RAB7A: variants seen among roughly 807,000 people sequenced by gnomAD.
RAB7A encodes ras-related protein Rab-7a.
Under a neutral mutation model 24.5 loss-of-function variants are expected in RAB7A, and 2 were observed. The ratio of observed to expected loss-of-function variants is 0.08; its 90% confidence interval spans 0.03 to 0.26. RAB7A has a LOEUF of 0.26. RAB7A is among the 10% of genes least tolerant of loss of function. The probability of loss-of-function intolerance (pLI) is 1.00; values close to 1 mark genes in which losing one functional copy is unlikely to be tolerated. For synonymous variants in RAB7A, 100 were observed against 95.9 expected, an observed-to-expected ratio of 1.04 and a Z score of -0.25; for missense variants, 118 against 255.7, an observed-to-expected ratio of 0.46 and a Z score of 3.67.
At chr3:128,753,203 C>T (rs1401446643) in intron 1 of RAB7A, among the ~76,000 whole-genome samples, 1 of 152,118 alleles carries the variant, frequency 6.6e-6, no homozygotes, top group African/African-American at 2.4e-5. Context: ...GAAATATTGT[C>T]ATATGCAGCA....
At chr3:128,790,766 T>G (rs1434558041) in intron 1 of RAB7A, among the ~76,000 whole-genome samples, 1 of 152,244 alleles carries the variant, frequency 6.6e-6, no homozygotes, top group Non-Finnish European at 1.5e-5. Context: ...TATAACATGC[T>G]TTTCAAGACT....
intron 1 of RAB7A, among the ~76,000 whole-genome samples, chr3:128,768,911 A>G (rs79478087): frequency 0.047 from 6,845 of 145,364 alleles, 228 homozygotes; most frequent in Middle Eastern, 0.13. Context: ...TCACCATCTA[A>G]TTACAGAACC....
At chr3:128,795,287 A>T (rs1193025500) in intron 1 of RAB7A, 73 bp from the exon 2 acceptor site, 7 of 1,297,406 alleles carry the variant, frequency 5.4e-6, no homozygotes, top group African/African-American at 4.4e-5. Context: ...CTGCTCAGAC[A>T]TTTGTGCAAG....
chr3:128,741,225 A>C (rs1283924849), intron 1 of RAB7A, among the ~76,000 whole-genome samples: 1 of 152,138 alleles, frequency 6.6e-6, no homozygotes, highest in East Asian at 1.9e-4. Flanking sequence ...TTCGTGTTGC[A>C]AACATTATTC....
At chr3:128,777,595 A>G (rs1418302619) in intron 1 of RAB7A, among the ~76,000 whole-genome samples, 1 of 152,184 alleles carries the variant, frequency 6.6e-6, no homozygotes, top group Non-Finnish European at 1.5e-5. Context: ...CTAAACTATC[A>G]CTAGCAGATT....
At chr3:128,731,254 A>G (rs1344577584) in intron 1 of RAB7A, among the ~76,000 whole-genome samples, 1 of 152,200 alleles carries the variant, frequency 6.6e-6, no homozygotes, top group Non-Finnish European at 1.5e-5. Context: ...CAAAGCTGCT[A>G]TGAATTAACC....
chr3:128,752,568 G>A (rs1226639934), intron 1 of RAB7A, among the ~76,000 whole-genome samples: 1 of 152,020 alleles, frequency 6.6e-6, no homozygotes, highest in Admixed American at 6.6e-5. Flanking sequence ...CCAAAAATCA[G>A]CTTACTGGGC....
chr3:128,757,615 G>A (rs900108161), intron 1 of RAB7A, among the ~76,000 whole-genome samples: 6 of 151,416 alleles, frequency 4.0e-5, no homozygotes, highest in Non-Finnish European at 7.4e-5. Flanking sequence ...TGCCTCCTGG[G>A]TTACAAGTGA....
At chr3:128,770,163 C>T (rs1269092392) in intron 1 of RAB7A, among the ~76,000 whole-genome samples, 1 of 152,062 alleles carries the variant, frequency 6.6e-6, no homozygotes, top group African/African-American at 2.4e-5. Flanking sequence ...CCACCACACC[C>T]AGCTAATTTT....
chr3:128,792,211 C>T (rs897717063), intron 1 of RAB7A, among the ~76,000 whole-genome samples: 1 of 152,132 alleles, frequency 6.6e-6, no homozygotes, highest in African/African-American at 2.4e-5. Flanking sequence ...TGAATTCTAT[C>T]ATGTAGGAGT....
chr3:128,743,793 T>TC (rs1049470173), intron 1 of RAB7A, among the ~76,000 whole-genome samples: 6 of 87,510 alleles, frequency 6.9e-5, no homozygotes, highest in Non-Finnish European at 9.7e-5. Context: ...TCTCTCTCTC[T>TC]TTTTTTTTTT....
At chr3:128,800,604 A>T (rs1470020381) in intron 3 of RAB7A, among the ~76,000 whole-genome samples, 1 of 152,182 alleles carries the variant, frequency 6.6e-6, no homozygotes, top group Non-Finnish European at 1.5e-5. Context: ...CTAAAAAAGA[A>T]AAAGGCTTAA....
At chr3:128,769,679 A>G (rs146215745) in intron 1 of RAB7A, among the ~76,000 whole-genome samples, 1 of 152,316 alleles carries the variant, frequency 6.6e-6, no homozygotes, top group Non-Finnish European at 1.5e-5. Context: ...TTGATGTGCT[A>G]TCTGTTAAAA....
At chr3:128,741,669 C>T (rs551838941) in intron 1 of RAB7A, among the ~76,000 whole-genome samples, 101 of 152,254 alleles carry the variant, frequency 6.6e-4, no homozygotes, top group Non-Finnish European at 1.1e-3. Context: ...CAGGCATGAG[C>T]CACCATGCCT....
rs779725083 is a variant in RAB7A at position 128,764,455 on chromosome 3, T to G, written c.-8-30905T>G. On this transcript the variant is annotated intron_variant, in intron 1 of 5. Transcript: ENST00000265062. ...ATTCGCCCCATGGCTATGGGGAAAT[T>G]AGCCTGAGGCTTAGTTTTCATTATC... 3 of 761,506 alleles carry G rather than the reference T, an allele frequency of 3.9e-6. No individual in the cohort carries two copies. In the East Asian group the frequency reaches 7.3e-5, roughly 19 times the overall value. The allele number at this position is 761,506 out of a possible 1,614,324, so 47.2% of individuals were successfully genotyped here. A position where few individuals can be genotyped will look rare whatever the true frequency, so the allele number is the denominator to read the frequency against.
intron 5 of RAB7A, among the ~76,000 whole-genome samples, chr3:128,813,121 A>T (rs1484581037): frequency 6.6e-6 from 1 of 152,124 alleles, no homozygotes; most frequent in African/African-American, 2.4e-5. Context: ...AGTTGTCACA[A>T]AATCTGTTTT....
chr3:128,781,594 T>C lies in RAB7A; in HGVS notation c.-8-13766T>C, dbSNP rs563758925. ...AAGAGGCCAAGGGTGGGAGGATCTC[T>C]TGAGCCCCGGCGGTCGAGGCTGCAG... On this transcript the variant is annotated intron_variant, in intron 1 of 5. Coordinates refer to ENST00000265062, the MANE Select transcript of RAB7A (RefSeq NM_004637.6). Among the ~76,000 whole-genome samples the C allele has an allele frequency of 9.2e-5, 14 of 152,280 alleles. No individual in the cohort carries two copies. The South Asian group carries it at 2.9e-3, about 32-fold the overall frequency.
At chr3:128,770,905 G>C (rs1349786727) in intron 1 of RAB7A, among the ~76,000 whole-genome samples, 1 of 151,252 alleles carries the variant, frequency 6.6e-6, no homozygotes, top group Non-Finnish European at 1.5e-5. Context: ...CTGATTGCTT[G>C]TTAGGGTAAC....
chr3:128,740,459 C>T (rs2070541353), intron 1 of RAB7A, among the ~76,000 whole-genome samples: 1 of 152,108 alleles, frequency 6.6e-6, no homozygotes, highest in South Asian at 2.1e-4. Context: ...GTTTTCATTG[C>T]CATATAGCCT....
Sources: allele counts gnomAD v4.1 joint callset (sites outside exome capture counted in the v4.1 genomes callset), GRCh38; gene constraint gnomAD v4.1.1; transcripts MANE v1.5; gene names NCBI Gene and HGNC (gene_info 2026-07-23, HGNC 2026-07-21).